RNF180: variants seen among roughly 807,000 people sequenced by gnomAD.
The protein encoded by RNF180 is ring finger protein 180, also known as E3 ubiquitin-protein ligase RNF180.
In RNF180, 38 loss-of-function variants were observed where a neutral mutation model predicts 59.2. The observed-to-expected ratio is 0.64, with a 90% confidence interval of 0.50 to 0.84. The LOEUF (loss-of-function observed/expected upper bound fraction) is 0.84. Among genes scored for constraint, RNF180 ranks in the 40% least tolerant of loss-of-function variants. The pLI, the probability that RNF180 is intolerant of heterozygous loss-of-function variation, is 0.00. For missense variants in RNF180, 705 were observed against 700.9 expected, an observed-to-expected ratio of 1.01 and a Z score of -0.07; for synonymous variants, 262 against 240.3, an observed-to-expected ratio of 1.09 and a Z score of -0.84.
chr5:64,327,953 G>A (rs1281132550), intron 6 of RNF180, among the ~76,000 whole-genome samples: 3 of 152,022 alleles, frequency 2.0e-5, no homozygotes, highest in African/African-American at 7.2e-5. Context: ...CCAGTGTTTG[G>A]ATACATTTTT....
intron 7 of RNF180, among the ~76,000 whole-genome samples, chr5:64,353,840 G>A (rs988825962): frequency 5.9e-5 from 9 of 151,610 alleles, no homozygotes; most frequent in East Asian, 1.9e-4. Flanking sequence ...TCACTAATAC[G>A]TGGAAATTAA....
intron 5 of RNF180, among the ~76,000 whole-genome samples, chr5:64,245,641 G>T (rs542967406): frequency 6.6e-6 from 1 of 152,252 alleles, no homozygotes; most frequent in South Asian, 2.1e-4. Flanking sequence ...CCTACAAAGA[G>T]ACTTAGACTC....
chr5:64,283,427 T>G (rs1316536782), intron 5 of RNF180, among the ~76,000 whole-genome samples: 3 of 152,156 alleles, frequency 2.0e-5, no homozygotes, highest in Admixed American at 1.3e-4. Flanking sequence ...CTTTATCTAG[T>G]TTGTCACTCT....
intron 5 of RNF180, among the ~76,000 whole-genome samples, chr5:64,234,267 T>A (rs1375184078): frequency 6.6e-6 from 1 of 152,054 alleles, no homozygotes; most frequent in African/African-American, 2.4e-5. Flanking sequence ...GAGTTCAAGA[T>A]CTGCCTGGCC....
Position 64,301,701 on chromosome 5 carries a change from A to ATGTGTGTGTGTGTGTGTG in RNF180, c.1228-23479_1228-23462dup, listed in dbSNP as rs3069547. Among the ~76,000 whole-genome samples the ATGTGTGTGTGTGTGTGTG allele has an allele frequency of 8.1e-3, 1,211 of 148,696 alleles. 17 individuals carry two copies. Among genetic ancestry groups the ATGTGTGTGTGTGTGTGTG allele is most frequent in the African/African-American group, 0.028 (1,135 of 40,732 alleles). On this transcript the variant is annotated intron_variant, in intron 5 of 7. Coordinates refer to ENST00000389100, the MANE Select transcript of RNF180 (RefSeq NM_001113561.2). ...TATATTTGTTGTATGCCACATCAGA[A>ATGTGTGTGTGTGTGTGTG]TGTGTGTGTGTGTGTGTGTGTGTAT... is the stretch of plus-strand genomic sequence containing the variant.
At chr5:64,166,782 C>A (rs1749664412) in intron 1 of RNF180, among the ~76,000 whole-genome samples, 1 of 152,174 alleles carries the variant, frequency 6.6e-6, no homozygotes, top group Non-Finnish European at 1.5e-5. Flanking sequence ...TATATCAAAA[C>A]TAAGCAGTCA....
At chr5:64,177,546 T>C (rs1561167608) in intron 1 of RNF180, among the ~76,000 whole-genome samples, 1 of 50,880 alleles carries the variant, frequency 2.0e-5, no homozygotes, top group East Asian at 3.4e-4. Flanking sequence ...TATATATATA[T>C]ATATATATAT....
intron 5 of RNF180, among the ~76,000 whole-genome samples, chr5:64,284,227 G>A (rs568558234): frequency 1.8e-4 from 11 of 60,694 alleles, no homozygotes; most frequent in African/African-American, 7.6e-4. Flanking sequence ...AAGGTCCACT[G>A]TTGGCCTGAT....
intron 7 of RNF180, among the ~76,000 whole-genome samples, chr5:64,336,998 G>T (rs200665471): frequency 0.24 from 21,841 of 90,334 alleles, 1,972 homozygotes; most frequent in African/African-American, 0.41. Context: ...TTCTTTTTTT[G>T]TTGTTGTTTT....
intron 7 of RNF180, among the ~76,000 whole-genome samples, chr5:64,368,826 A>C (rs1488216930): frequency 3.9e-5 from 6 of 152,042 alleles, no homozygotes; most frequent in African/African-American, 1.2e-4. Flanking sequence ...GCTGGAGAGG[A>C]TGTGGAGAAA....
At chr5:64,307,617 A>G (rs961597635) in intron 5 of RNF180, among the ~76,000 whole-genome samples, 4 of 151,716 alleles carry the variant, frequency 2.6e-5, no homozygotes, top group East Asian at 1.9e-4. Flanking sequence ...TAAAAATATC[A>G]TAAGTCAAAA....
At chr5:64,171,025 A>G (rs1331132402) in intron 1 of RNF180, among the ~76,000 whole-genome samples, 2 of 152,200 alleles carry the variant, frequency 1.3e-5, no homozygotes, top group Admixed American at 6.5e-5. Flanking sequence ...TCTATTAGGG[A>G]TCTACATTTG....
chr5:64,342,930 A>G (rs1342762848), intron 7 of RNF180, among the ~76,000 whole-genome samples: 1 of 152,174 alleles, frequency 6.6e-6, no homozygotes, highest in Non-Finnish European at 1.5e-5. Flanking sequence ...TAGATTGAGT[A>G]TAATGAAAGT....
At chr5:64,325,709 TTATTTA>T (rs1249116042) in intron 6 of RNF180, among the ~76,000 whole-genome samples, 1 of 152,206 alleles carries the variant, frequency 6.6e-6, no homozygotes, top group Non-Finnish European at 1.5e-5. Flanking sequence ...GTGCTGTTGA[TTATTTA>T]TTCCTCATAT....
chr5:64,337,359 T>C (rs1745170638), intron 7 of RNF180, among the ~76,000 whole-genome samples: 1 of 152,180 alleles, frequency 6.6e-6, no homozygotes. Flanking sequence ...TTTCGGTCTT[T>C]ATCTAGAATC....
chr5:64,326,741 A>G (rs1744664290), intron 6 of RNF180, among the ~76,000 whole-genome samples: 1 of 152,114 alleles, frequency 6.6e-6, no homozygotes, highest in Non-Finnish European at 1.5e-5. Flanking sequence ...GGATTTTTGC[A>G]TCTATTTTCA....
At chr5:64,202,332 T>A (rs1186880892) in intron 2 of RNF180, among the ~76,000 whole-genome samples, 2 of 152,186 alleles carry the variant, frequency 1.3e-5, no homozygotes, top group African/African-American at 4.8e-5. Context: ...AGTAGTGTGT[T>A]CCTTTTTTCT....
At chr5:64,250,391 G>T (rs1040015020) in intron 5 of RNF180, among the ~76,000 whole-genome samples, 4 of 151,964 alleles carry the variant, frequency 2.6e-5, no homozygotes, top group African/African-American at 9.7e-5. Context: ...TAAACCCAAA[G>T]TTAGTAGAAG....
chr5:64,253,997 C>G (rs1743764639), intron 5 of RNF180, among the ~76,000 whole-genome samples: 1 of 151,948 alleles, frequency 6.6e-6, no homozygotes. Flanking sequence ...AGGGTGGACC[C>G]TCTCTTCTCT....
Sources: gnomAD v4.1 joint callset for allele counts (sites outside exome capture counted in the v4.1 genomes callset) on GRCh38, gnomAD v4.1.1 for gene constraint, MANE v1.5 for transcripts, NCBI Gene and HGNC (gene_info 2026-07-23, HGNC 2026-07-21) for gene names.